PPP1R9A: variants seen among roughly 807,000 people sequenced by gnomAD.
The protein encoded by PPP1R9A is neurabin-1.
PPP1R9A carries 59 observed loss-of-function variants against 141.9 expected under a neutral mutation model. The ratio of observed to expected loss-of-function variants is 0.42; its 90% confidence interval spans 0.34 to 0.52. PPP1R9A has a LOEUF of 0.52. Among genes scored for constraint, PPP1R9A ranks in the 20% least tolerant of loss-of-function variants. The pLI, the probability that PPP1R9A is intolerant of heterozygous loss-of-function variation, is 0.10. For missense variants in PPP1R9A, 1,444 were observed against 1,611.9 expected (o/e 0.90, Z 1.78); for synonymous variants, 500 against 569.7 (o/e 0.88, Z 1.74).
At chr7:94,987,470 G>A (rs854740) in intron 2 of PPP1R9A, among the ~76,000 whole-genome samples, 59,264 of 151,950 alleles carry the variant, frequency 0.39, 12,398 homozygotes, top group Middle Eastern at 0.51. Context: ...AGATGTATTC[G>A]TATCCTTTGA....
intron 5 of PPP1R9A, among the ~76,000 whole-genome samples, chr7:95,195,005 T>C (rs1319334572): frequency 6.6e-6 from 1 of 152,064 alleles, no homozygotes; most frequent in Admixed American, 6.5e-5. Flanking sequence ...AAACAATTGA[T>C]ACAGAGTTAG....
chr7:94,975,436 G>A (rs1799345477), intron 2 of PPP1R9A, among the ~76,000 whole-genome samples: 1 of 147,844 alleles, frequency 6.8e-6, no homozygotes, highest in African/African-American at 2.5e-5. Context: ...CTGAGTGGAA[G>A]AGGTCTAGTG....
intron 2 of PPP1R9A, among the ~76,000 whole-genome samples, chr7:95,097,648 A>G (rs1818220154): frequency 2.0e-5 from 3 of 152,254 alleles, no homozygotes; most frequent in Admixed American, 6.5e-5. Context: ...CTTACTACTT[A>G]TAATGAATGC....
At chr7:94,948,709 G>A (rs1262542536) in intron 2 of PPP1R9A, among the ~76,000 whole-genome samples, 1 of 152,078 alleles carries the variant, frequency 6.6e-6, no homozygotes, top group Non-Finnish European at 1.5e-5. Context: ...TTTGCATCTT[G>A]TAACTTCTCT....
intron 7 of PPP1R9A, among the ~76,000 whole-genome samples, chr7:95,221,175 G>A (rs148962298): frequency 6.6e-6 from 1 of 152,000 alleles, no homozygotes; most frequent in Non-Finnish European, 1.5e-5. Flanking sequence ...CAACAATAGC[G>A]GTCACTCGTT....
intron 4 of PPP1R9A, among the ~76,000 whole-genome samples, chr7:95,148,235 G>A (rs557288497): frequency 6.6e-6 from 1 of 152,060 alleles, no homozygotes; most frequent in South Asian, 2.1e-4. Flanking sequence ...TTGAAAACAG[G>A]AAATCAGTAG....
chr7:94,966,969 A>G (rs1798289385), intron 2 of PPP1R9A, among the ~76,000 whole-genome samples: 2 of 152,100 alleles, frequency 1.3e-5, no homozygotes, highest in South Asian at 2.1e-4. Context: ...TTGGTAGGCT[A>G]TTAATTACTG....
chr7:94,949,675 G>T (rs1796251039), intron 2 of PPP1R9A, among the ~76,000 whole-genome samples: 1 of 152,022 alleles, frequency 6.6e-6, no homozygotes, highest in Non-Finnish European at 1.5e-5. Flanking sequence ...ACACAGCTCT[G>T]GAAGGCTTCC....
chr7:95,291,108 A>G lies in PPP1R9A; in HGVS notation c.*805A>G, dbSNP rs977828496. 4 of 152,192 alleles carry G rather than the reference A, an allele frequency of 2.6e-5. No individual in the cohort carries two copies. Among genetic ancestry groups the G allele is most frequent in the African/African-American group, 7.2e-5 (3 of 41,446 alleles). The allele number at this position is 152,192 out of a possible 1,614,324, so 9.4% of individuals were successfully genotyped here. A position where few individuals can be genotyped will look rare whatever the true frequency, so the allele number is the denominator to read the frequency against. On this transcript the variant is annotated 3_prime_UTR_variant, in exon 20 of 20. Coordinates refer to ENST00000433360, the MANE Select transcript of PPP1R9A (RefSeq NM_001166160.2). ...GATATTGGGATCTGTTGACCTTGCTACTGCTGTGTGTTCAGCATTTCAGCA... is the reference window on the plus strand; with the variant it reads ...GATATTGGGATCTGTTGACCTTGCTGCTGCTGTGTGTTCAGCATTTCAGCA...
intron 8 of PPP1R9A, among the ~76,000 whole-genome samples, chr7:95,228,271 T>G (rs1795423178): frequency 6.6e-6 from 1 of 152,206 alleles, no homozygotes; most frequent in Non-Finnish European, 1.5e-5. Flanking sequence ...AGCTCGCATG[T>G]TTTTGCTTAT....
rs546262470 is a variant in PPP1R9A, at chr7:94,979,418, A to G, written c.1395+67910A>G. On this transcript the variant is annotated intron_variant, in intron 2 of 19. Transcript: ENST00000433360. Reference sequence around the variant, plus strand: ...ATTTTCTTGGAGATCTCTCAATGGGATTTGTGGTTTGAGTGTATCACCCTT... The same window carrying G: ...ATTTTCTTGGAGATCTCTCAATGGGGTTTGTGGTTTGAGTGTATCACCCTT... Among the ~76,000 whole-genome samples the G allele has an allele frequency of 2.0e-5, 3 of 152,190 alleles. No individual in the cohort carries two copies. In the South Asian group the frequency reaches 6.2e-4, roughly 32 times the overall value.
chr7:95,035,534 A>T (rs1228825434), intron 2 of PPP1R9A, among the ~76,000 whole-genome samples: 1 of 152,144 alleles, frequency 6.6e-6, no homozygotes, highest in Non-Finnish European at 1.5e-5. Flanking sequence ...CTGTGATTTT[A>T]TTGGTTTTGG....
At chr7:95,072,251 TATATA>T (rs1179632690) in intron 2 of PPP1R9A, among the ~76,000 whole-genome samples, 1 of 145,100 alleles carries the variant, frequency 6.9e-6, no homozygotes, top group African/African-American at 2.5e-5. Context: ...CCTTACTAAA[TATATA>T]ATATTATATA....
chr7:95,029,721 G>T (rs1416530124), intron 2 of PPP1R9A, among the ~76,000 whole-genome samples: 1 of 152,084 alleles, frequency 6.6e-6, no homozygotes, highest in East Asian at 1.9e-4. Flanking sequence ...TAAATCCCAG[G>T]GAAGAAAATT....
chr7:95,283,919 T>C (rs1804763821), intron 16 of PPP1R9A, 99 bp from the exon 17 acceptor site: 1 of 1,059,734 alleles, frequency 9.4e-7, no homozygotes, highest in African/African-American at 1.6e-5. Context: ...GAACAGTTTC[T>C]CAAATTGTTA....
intron 4 of PPP1R9A, among the ~76,000 whole-genome samples, chr7:95,151,689 T>G (rs1828703942): frequency 6.6e-6 from 1 of 151,580 alleles, no homozygotes; most frequent in Non-Finnish European, 1.5e-5. Context: ...ACCACTATCA[T>G]GTAAGATGTT....
At chr7:95,084,055 G>C (rs1157226534) in intron 2 of PPP1R9A, among the ~76,000 whole-genome samples, 1 of 151,974 alleles carries the variant, frequency 6.6e-6, no homozygotes, top group South Asian at 2.1e-4. Context: ...ACAAGGCAAA[G>C]ACATCTTTTT....
chr7:95,263,127 T>C (rs1258304229), intron 12 of PPP1R9A, among the ~76,000 whole-genome samples: 1 of 152,178 alleles, frequency 6.6e-6, no homozygotes, highest in Non-Finnish European at 1.5e-5. Context: ...CCTGGGCTTA[T>C]ATCAACATGT....
chr7:95,094,122 T>C lies in PPP1R9A; in HGVS notation c.1396-17137T>C, dbSNP rs28736736. On this transcript the variant is annotated intron_variant, in intron 2 of 19. Transcript: ENST00000433360. ...AATATGAAAGAAAGCTTAGCAAACA[T>C]ATAACAAAATAGTAACAATTTTTGG... Among the ~76,000 whole-genome samples the C allele has an allele frequency of 6.6e-3, 1,008 of 152,214 alleles. 12 individuals carry two copies. The highest frequency in any genetic ancestry group is 0.023 in the African/African-American group (940 of 41,528).
Sources: gnomAD v4.1 joint callset for allele counts (sites outside exome capture counted in the v4.1 genomes callset) on GRCh38, gnomAD v4.1.1 for gene constraint, MANE v1.5 for transcripts, NCBI Gene and HGNC (gene_info 2026-07-23, HGNC 2026-07-21) for gene names.